The following EXT2 variants were observed in gnomAD, a reference collection of about 807,000 sequenced individuals.
EXT2 encodes the protein exostosin glycosyltransferase 2, also known as exostosin-2.
Under a neutral mutation model 81.6 loss-of-function variants are expected in EXT2, and 53 were observed. The ratio of observed to expected loss-of-function variants is 0.65; its 90% CI spans 0.52 to 0.82. The LOEUF is 0.82. Among genes scored for constraint, EXT2 ranks in the 40% least tolerant of loss-of-function variants. EXT2 has a pLI of 0.00. For missense variants in EXT2, 774 were observed against 910.2 expected, an observed-to-expected ratio of 0.85 and a Z score of 1.93; for synonymous variants, 320 against 340.0, an observed-to-expected ratio of 0.94 and a Z score of 0.65.
intron 8 of EXT2, among the ~76,000 whole-genome samples, chr11:44,191,401 A>G (rs1055464224): frequency 1.3e-5 from 2 of 152,212 alleles, no homozygotes; most frequent in Non-Finnish European, 2.9e-5. Flanking sequence ...AATTGCATTG[A>G]CAGCCAAGGT....
intron 4 of EXT2, among the ~76,000 whole-genome samples, chr11:44,119,860 G>A (rs1377402531): frequency 6.6e-6 from 1 of 152,220 alleles, no homozygotes; most frequent in Admixed American, 6.5e-5. Flanking sequence ...GAGGCAGAGA[G>A]TGACATGTGA....
intron 7 of EXT2, among the ~76,000 whole-genome samples, chr11:44,151,877 T>C (rs959983185): frequency 1.3e-5 from 2 of 152,226 alleles, no homozygotes; most frequent in Non-Finnish European, 2.9e-5. Context: ...CACCAACATT[T>C]GGTGTTCTCA....
rs150126998 is a variant in EXT2, at chr11:44,177,312, T to G, written c.1305+5570T>G. Among the ~76,000 whole-genome samples the G allele has an allele frequency of 2.6e-3, 397 of 152,370 alleles. 2 individuals carry two copies. The highest frequency in any genetic ancestry group is 9.3e-3 in the African/African-American group (385 of 41,600). On this transcript the variant is annotated intron_variant, in intron 8 of 13. Coordinates refer to ENST00000533608, the MANE Select transcript of EXT2 (RefSeq NM_207122.2). The stretch of plus-strand genomic sequence containing the variant: ...TCTTCATGCTTTTATTTTTCTCTCC[T>G]TTTTGCAAATATCAGCAAAGCTTTG...
chr11:44,227,277 G>A (rs773903253), intron 10 of EXT2, among the ~76,000 whole-genome samples: 36 of 152,138 alleles, frequency 2.4e-4, no homozygotes, highest in Non-Finnish European at 4.4e-4. Context: ...CCATTTATTG[G>A]GTACTTCTAT....
chr11:44,221,119 G>A (rs1372285924), intron 10 of EXT2, among the ~76,000 whole-genome samples: 2 of 152,140 alleles, frequency 1.3e-5, no homozygotes, highest in Non-Finnish European at 1.5e-5. Flanking sequence ...ACAGAGGAGG[G>A]CACATACTGC....
chr11:44,201,939 C>CT (rs1046201788), intron 9 of EXT2, among the ~76,000 whole-genome samples: 3 of 152,156 alleles, frequency 2.0e-5, no homozygotes, highest in South Asian at 2.1e-4. Flanking sequence ...TGTCAGAAGC[C>CT]TGAGAGAATG....
intron 1 of EXT2, among the ~76,000 whole-genome samples, chr11:44,099,939 G>A (rs764942921): frequency 2.0e-5 from 3 of 152,132 alleles, no homozygotes; most frequent in Non-Finnish European, 2.9e-5. Flanking sequence ...CAGATGTGTG[G>A]GAGTTCGCTT....
At chr11:44,163,077 A>G (rs1466315433) in intron 7 of EXT2, among the ~76,000 whole-genome samples, 2 of 152,306 alleles carry the variant, frequency 1.3e-5, no homozygotes, top group Middle Eastern at 3.4e-3. Context: ...GGGATATCAG[A>G]TATTTGTGAA....
At chr11:44,125,128 A>C in intron 5 of EXT2, 144 bp downstream of exon 5, 1 of 796,496 alleles carries the variant, frequency 1.3e-6, no homozygotes, top group East Asian at 2.7e-5. Context: ...TCTTTACTGG[A>C]CATGTAGACC....
chr11:44,243,051 T>A (rs1956054378), intron 13 of EXT2, among the ~76,000 whole-genome samples: 1 of 152,248 alleles, frequency 6.6e-6, no homozygotes, highest in Non-Finnish European at 1.5e-5. Flanking sequence ...GATGATGTTA[T>A]GAGTTAAAAG....
chr11:44,117,764 T>C (rs1954243348), intron 4 of EXT2, among the ~76,000 whole-genome samples: 1 of 152,230 alleles, frequency 6.6e-6, no homozygotes, highest in South Asian at 2.1e-4. Context: ...TTCTTCCTTT[T>C]TCTTGTTTTA....
At chr11:44,229,036 TC>T (rs1955869001) in intron 10 of EXT2, among the ~76,000 whole-genome samples, 1 of 152,148 alleles carries the variant, frequency 6.6e-6, no homozygotes, top group Non-Finnish European at 1.5e-5. Context: ...CATGCCCTAC[TC>T]CTTTTCTTTC....
intron 7 of EXT2, among the ~76,000 whole-genome samples, chr11:44,146,004 A>G (rs1279319356): frequency 6.6e-6 from 1 of 152,198 alleles, no homozygotes; most frequent in African/African-American, 2.4e-5. Context: ...AACAACAGAA[A>G]TCTATTTCTC....
chr11:44,116,866 T>C lies in EXT2; in HGVS notation c.743+2565T>C, dbSNP rs1195943383. 5 of 152,356 alleles carry C rather than the reference T, an allele frequency of 3.3e-5. No individual in the cohort carries two copies. In the South Asian group the frequency reaches 1.0e-3, roughly 32 times the overall value. 9.4% of individuals were successfully genotyped at this position (152,356 alleles called of 1,614,324 possible). Reference sequence around the variant, plus strand: ...ATTTTAAAATTGAATTGTCCTTTTATCGTAGAGCTATAAGAATTCTTTATC... The same window carrying C: ...ATTTTAAAATTGAATTGTCCTTTTACCGTAGAGCTATAAGAATTCTTTATC... On this transcript the variant is annotated intron_variant, in intron 4 of 13. Coordinates refer to ENST00000533608, the MANE Select transcript of EXT2 (RefSeq NM_207122.2).
rs1454630590 is a variant in EXT2 at position 44,095,740 on chromosome 11, G to C, written c.-143G>C. The stretch of plus-strand genomic sequence containing the variant: ...TGCTCGCCAGCCCAGACTCGGCCCT[G>C]GCAGTGGCGGCTGGCGATTCGGACC... On this transcript the variant is annotated 5_prime_UTR_variant, in exon 1 of 14. Transcript: ENST00000533608. The C allele has an allele frequency of 6.5e-6, 1 of 154,022 alleles. No individual in the cohort carries two copies. Among genetic ancestry groups the C allele is most frequent in the Non-Finnish European group, 1.4e-5 (1 of 69,428 alleles). The allele number at this position is 154,022 out of a possible 1,614,324, so 9.5% of individuals were successfully genotyped here.
chr11:44,210,798 G>A (rs1285656424), intron 10 of EXT2, among the ~76,000 whole-genome samples: 4 of 152,114 alleles, frequency 2.6e-5, no homozygotes, highest in African/African-American at 7.2e-5. Flanking sequence ...AAATGTTGCC[G>A]AGAGAAATTG....
chr11:44,170,251 A>G (rs893866525), intron 7 of EXT2, among the ~76,000 whole-genome samples: 1 of 152,212 alleles, frequency 6.6e-6, no homozygotes, highest in Non-Finnish European at 1.5e-5. Flanking sequence ...AACAATATAC[A>G]AAGGAAATTA....
At chr11:44,195,263 G>A (rs957448868) in intron 8 of EXT2, among the ~76,000 whole-genome samples, 7 of 151,756 alleles carry the variant, frequency 4.6e-5, no homozygotes, top group African/African-American at 1.7e-4. Flanking sequence ...GGAGAAACCC[G>A]GTCTCTACTA....
chr11:44,198,008 C>A lies in EXT2; in HGVS notation c.1485C>A (p.Asn495Lys). 2.5e-6 allele frequency: 4 copies of A among 1,614,064 alleles called. No homozygotes were observed. The highest frequency in any genetic ancestry group is 3.4e-6 in the Non-Finnish European group (4 of 1,179,966). The change falls in exon 9 of 14, where the codon AAC (asparagine) becomes AAA (lysine). Residue 495 changes from asparagine to lysine, a missense_variant. Asn to Lys is a moderately conservative substitution (Grantham distance 94). Coordinates refer to ENST00000533608, the MANE Select transcript of EXT2 (RefSeq NM_207122.2). ...TCGTCTGGAATAATCAGAATAAAAA[C>A]CCTCCAGAAGGTAAGAAGCCTTAGT... ...LLVVWNNQNK[N>K]PPEDSLWPKI...
Sources: gnomAD v4.1 joint callset for allele counts (sites outside exome capture counted in the v4.1 genomes callset) on GRCh38, gnomAD v4.1.1 for gene constraint, MANE v1.5 for transcripts, NCBI Gene and HGNC (gene_info 2026-07-23, HGNC 2026-07-21) for gene names.